Variants in STAP1 observed in about 807,000 individuals in gnomAD.
STAP1 encodes signal transducing adaptor family member 1.
In STAP1, 30 loss-of-function variants were observed where a neutral mutation model predicts 37.8. That is an observed-to-expected ratio of 0.79 (90% CI 0.59 to 1.08). The LOEUF is 1.08. STAP1 is among the 50% of genes least tolerant of loss of function. The pLI, the probability that STAP1 is intolerant of heterozygous loss-of-function variation, is 0.00. For missense variants in STAP1, 357 were observed against 349.4 expected (o/e 1.02, Z -0.17); for synonymous variants, 130 against 116.0 (o/e 1.12, Z -0.78).
At chr4:67,599,769 G>A (rs955145383) in intron 8 of STAP1, among the ~76,000 whole-genome samples, 3 of 151,816 alleles carry the variant, frequency 2.0e-5, no homozygotes, top group South Asian at 2.1e-4. Context: ...AGCCTCCCAA[G>A]TACCTGGGAT....
At chr4:67,561,344 G>A (rs1233932833) in intron 1 of STAP1, among the ~76,000 whole-genome samples, 1 of 152,188 alleles carries the variant, frequency 6.6e-6, no homozygotes, top group Non-Finnish European at 1.5e-5. Flanking sequence ...AGGAAGGTGA[G>A]AGGCTCTGCA....
At chr4:67,604,291 T>A (rs1728404608) in intron 8 of STAP1, among the ~76,000 whole-genome samples, 1 of 152,234 alleles carries the variant, frequency 6.6e-6, no homozygotes, top group Admixed American at 6.5e-5. Flanking sequence ...TTTCCTACCC[T>A]CTTCAGTGTC....
intron 8 of STAP1, among the ~76,000 whole-genome samples, chr4:67,597,683 A>G (rs1728255594): frequency 6.6e-6 from 1 of 151,690 alleles, no homozygotes; most frequent in Non-Finnish European, 1.5e-5. Context: ...CATGGAGTCA[A>G]AGAAGATTAT....
In STAP1 at chr4:67,590,906, A is replaced by G; in HGVS notation, c.682A>G (p.Lys228Glu). 1 of 1,612,902 alleles carries G rather than the reference A, an allele frequency of 6.2e-7. No individual in the cohort carries two copies. Among genetic ancestry groups the G allele is most frequent in the Non-Finnish European group, 8.5e-7 (1 of 1,179,528 alleles). The change falls in exon 7 of 9, where the codon AAA (lysine) becomes GAA (glutamate). Residue 228 changes from lysine to glutamate, a missense_variant. Physicochemically the swap from Lys to Glu is moderately conservative, Grantham distance 56. Coordinates refer to ENST00000265404, the MANE Select transcript of STAP1 (RefSeq NM_012108.4). ...EIDIPRIKHY[K>E]VMSVGQNYTI... ...TAGCATTCCAAGAATCAAGCACTAC[A>G]AAGTGATGAGCGTAGGACAAAACTA...
intron 1 of STAP1, among the ~76,000 whole-genome samples, chr4:67,568,088 T>G (rs541406877): frequency 1.3e-5 from 2 of 152,350 alleles, no homozygotes; most frequent in South Asian, 2.1e-4. Flanking sequence ...AATTTAATCT[T>G]GAGCTTCCTG....
Position 67,606,936 on chromosome 4 carries a change from C to G in STAP1, c.*579C>G, listed in dbSNP as rs963567263. The G allele has an allele frequency of 6.6e-6, 1 of 152,094 alleles. No homozygotes were observed. The highest frequency in any genetic ancestry group is 1.9e-4 in the East Asian group (1 of 5,192). The allele number at this position is 152,094 out of a possible 1,614,324, so 9.4% of individuals were successfully genotyped here. A position where few individuals can be genotyped will look rare whatever the true frequency, so the allele number is the denominator to read the frequency against. On this transcript the variant is annotated 3_prime_UTR_variant, in exon 9 of 9. Coordinates refer to ENST00000265404, the MANE Select transcript of STAP1 (RefSeq NM_012108.4). ...CATCTTTTTGCCACTCAAAATCAGCCCATTATTTCCTTACAAAGATGGTGA... is the reference window on the plus strand; with the variant it reads ...CATCTTTTTGCCACTCAAAATCAGCGCATTATTTCCTTACAAAGATGGTGA...
rs147250876 is a variant in STAP1 at position 67,596,160 on chromosome 4, G to A, written c.826+2804G>A. On this transcript the variant is annotated intron_variant, in intron 8 of 8. Coordinates refer to ENST00000265404, the MANE Select transcript of STAP1 (RefSeq NM_012108.4). The stretch of plus-strand genomic sequence containing the variant: ...GGCAATTGGATCATGGGGCCGGTTT[G>A]CCCCATGCTGTTCTCCTGATACTGA... 7.0e-4 allele frequency among the ~76,000 whole-genome samples: 106 copies of A among 152,130 alleles called. 1 individual carries two copies. The East Asian group carries it at 0.017, about 24-fold the overall frequency.
chr4:67,602,230 G>T (rs574468930), intron 8 of STAP1, among the ~76,000 whole-genome samples: 7 of 151,752 alleles, frequency 4.6e-5, no homozygotes, highest in Middle Eastern at 3.4e-3. Flanking sequence ...TTATGTGATG[G>T]GATTCTGAAT....
chr4:67,564,256 CTTAGTGCCT>C (rs1450599370), intron 1 of STAP1, among the ~76,000 whole-genome samples: 1 of 152,156 alleles, frequency 6.6e-6, no homozygotes, highest in Non-Finnish European at 1.5e-5. Flanking sequence ...TTGCTTTCAA[CTTAGTGCCT>C]TTATACTTGC....
At chr4:67,563,996 AT>A (rs1221630888) in intron 1 of STAP1, among the ~76,000 whole-genome samples, 1 of 151,686 alleles carries the variant, frequency 6.6e-6, no homozygotes, top group African/African-American at 2.4e-5. Context: ...TTCCAAATTA[AT>A]TTTTTTAATT....
intron 7 of STAP1, among the ~76,000 whole-genome samples, chr4:67,592,041 G>T: frequency 6.6e-6 from 1 of 152,216 alleles, no homozygotes; most frequent in Admixed American, 6.5e-5. Flanking sequence ...ACAGTGTAAG[G>T]AAAACTAACA....
At chr4:67,562,217 G>T (rs1276928028) in intron 1 of STAP1, among the ~76,000 whole-genome samples, 2 of 150,540 alleles carry the variant, frequency 1.3e-5, no homozygotes, top group Admixed American at 6.6e-5. Flanking sequence ...TGTGGGCCGG[G>T]CCCGGTCCCA....
In STAP1 at chr4:67,607,062, A is replaced by AT. The variant is rs1233305541; in HGVS notation, c.*705_*706insT. On this transcript the variant is annotated 3_prime_UTR_variant, in exon 9 of 9. Transcript: ENST00000265404. ...CATCAGCCCCAGACTGCATCTACTGAATCAAAATAACAGGGATATTTTTTC... is the reference window on the plus strand; with the variant it reads ...CATCAGCCCCAGACTGCATCTACTGATATCAAAATAACAGGGATATTTTTTC... 5.9e-5 allele frequency: 9 copies of AT among 152,226 alleles called. No homozygotes were observed. Among genetic ancestry groups the AT allele is most frequent in the African/African-American group, 2.2e-4 (9 of 41,464 alleles). The allele number at this position is 152,226 out of a possible 1,614,324, so 9.4% of individuals were successfully genotyped here. A position where few individuals can be genotyped will look rare whatever the true frequency, so the allele number is the denominator to read the frequency against.
chr4:67,595,838 G>A (rs189643278), intron 8 of STAP1, among the ~76,000 whole-genome samples: 247 of 152,208 alleles, frequency 1.6e-3, no homozygotes, highest in Non-Finnish European at 2.8e-3. Context: ...GGATTATGTC[G>A]AATCTGTTGA....
chr4:67,565,301 T>A (rs1727441595), intron 1 of STAP1, among the ~76,000 whole-genome samples: 1 of 152,234 alleles, frequency 6.6e-6, no homozygotes, highest in Non-Finnish European at 1.5e-5. Context: ...CAAGCCAGAT[T>A]TCTAAATGGA....
At chr4:67,601,129 T>C (rs1234174327) in intron 8 of STAP1, among the ~76,000 whole-genome samples, 3 of 152,284 alleles carry the variant, frequency 2.0e-5, no homozygotes, top group East Asian at 3.9e-4. Context: ...TTTTTGTGTA[T>C]GTTGTAGGTT....
chr4:67,569,478 A>T, intron 1 of STAP1, among the ~76,000 whole-genome samples: 1 of 144,140 alleles, frequency 6.9e-6, no homozygotes, highest in South Asian at 2.2e-4. Flanking sequence ...TTACATTATA[A>T]ACTTGTTTAA....
rs368769749 is a variant in STAP1 at position 67,592,611 on chromosome 4, C to T, written c.730-649C>T. On this transcript the variant is annotated intron_variant, in intron 7 of 8. Coordinates refer to ENST00000265404, the MANE Select transcript of STAP1 (RefSeq NM_012108.4). ...GAACCATCTGATTAGGAAACTGGATCCTTCTTTGTTCTTCTACTCAAGTTC... is the reference window on the plus strand; with the variant it reads ...GAACCATCTGATTAGGAAACTGGATTCTTCTTTGTTCTTCTACTCAAGTTC... Among the ~76,000 whole-genome samples, 42 of 152,236 alleles carry T rather than the reference C, an allele frequency of 2.8e-4. 1 individual carries two copies. The South Asian group carries it at 8.5e-3, about 31-fold the overall frequency.
At chr4:67,580,934 G>C (rs892629132) in intron 4 of STAP1, among the ~76,000 whole-genome samples, 1 of 152,180 alleles carries the variant, frequency 6.6e-6, no homozygotes, top group Admixed American at 6.5e-5. Flanking sequence ...GAGAGAGTGA[G>C]GTACCTTGAA....
Sources: gnomAD v4.1 joint callset for allele counts (sites outside exome capture counted in the v4.1 genomes callset) on GRCh38, gnomAD v4.1.1 for gene constraint, MANE v1.5 for transcripts, NCBI Gene and HGNC (gene_info 2026-07-23, HGNC 2026-07-21) for gene names.